IQCM: variants seen among roughly 807,000 people sequenced by gnomAD.
IQCM encodes IQ domain-containing protein M.
Under a neutral mutation model 57.6 loss-of-function variants are expected in IQCM, and 45 were observed. That is an observed-to-expected ratio of 0.78 (90% CI 0.62 to 1.00). The LOEUF (loss-of-function observed/expected upper bound fraction) is 1.00, where lower values mean the gene tolerates loss of function less well. IQCM is among the 50% of genes least tolerant of loss of function. The pLI, the probability that IQCM is intolerant of heterozygous loss-of-function variation, is 0.00. For synonymous variants in IQCM, 148 were observed against 158.9 expected (o/e 0.93, Z 0.51); for missense variants, 468 against 511.6 (o/e 0.91, Z 0.82).
intron 13 of IQCM, among the ~76,000 whole-genome samples, chr4:149,426,475 C>T (rs531759854): frequency 2.0e-5 from 3 of 151,862 alleles, no homozygotes; most frequent in African/African-American, 4.8e-5. Context: ...CATAAAACAA[C>T]AAAAATTTAT....
rs1239481168 is a variant in IQCM, at chr4:149,665,309, C to A, written c.565+16809G>T. 3.3e-5 allele frequency among the ~76,000 whole-genome samples: 5 copies of A among 152,266 alleles called. No individual in the cohort carries two copies. In the East Asian group the frequency reaches 9.7e-4, roughly 30 times the overall value. On this transcript the variant is annotated intron_variant, in intron 7 of 13. Transcript: ENST00000636793. ...GGTCCTGTGAGGACTGAAGGACCCT[C>A]CTGTAGTAAACTACTGGCATCTAAG... is the stretch of plus-strand genomic sequence containing the variant.
Position 149,594,609 on chromosome 4 carries a change from C to G in IQCM, c.682-6612G>C, listed in dbSNP as rs1442814438. On this transcript the variant is annotated intron_variant, in intron 8 of 13. Coordinates refer to ENST00000636793, the MANE Select transcript of IQCM (RefSeq NM_001363507.2). ...TGGGCATTTAGTGCTATAAATTTCC[C>G]TCTACAAACTGCTTTAAATGTGTCC... Among the ~76,000 whole-genome samples the G allele has an allele frequency of 4.6e-5, 7 of 152,226 alleles. No individual in the cohort carries two copies. The East Asian group carries it at 1.4e-3, about 29-fold the overall frequency.
chr4:149,504,147 G>A (rs1182211537), intron 12 of IQCM, among the ~76,000 whole-genome samples: 1 of 151,990 alleles, frequency 6.6e-6, no homozygotes, highest in East Asian at 1.9e-4. Context: ...CCCCAAGATG[G>A]CCAGAGTGAA....
At chr4:149,491,185 A>T (rs916865650) in intron 12 of IQCM, among the ~76,000 whole-genome samples, 1 of 152,042 alleles carries the variant, frequency 6.6e-6, no homozygotes, top group Non-Finnish European at 1.5e-5. Flanking sequence ...TGACAAAAAA[A>T]TTGTACATAT....
intron 8 of IQCM, among the ~76,000 whole-genome samples, chr4:149,606,982 G>T (rs2150044751): frequency 6.6e-6 from 1 of 152,200 alleles, no homozygotes; most frequent in African/African-American, 2.4e-5. Flanking sequence ...AGAGATCAGA[G>T]TAGAAAGTTT....
intron 12 of IQCM, among the ~76,000 whole-genome samples, chr4:149,494,395 T>C (rs1160988108): frequency 6.6e-6 from 1 of 152,138 alleles, no homozygotes; most frequent in Non-Finnish European, 1.5e-5. Flanking sequence ...CTCTGATCTT[T>C]TGTTGCCTTC....
chr4:149,624,493 A>G (rs1756627362), intron 7 of IQCM, among the ~76,000 whole-genome samples: 1 of 152,174 alleles, frequency 6.6e-6, no homozygotes, highest in African/African-American at 2.4e-5. Context: ...AAACCTAATA[A>G]GTAGTTGTTA....
intron 12 of IQCM, among the ~76,000 whole-genome samples, chr4:149,547,083 T>C (rs1748519006): frequency 1.3e-5 from 2 of 152,194 alleles, no homozygotes; most frequent in South Asian, 4.1e-4. Context: ...AGGGAATCCT[T>C]TCCCCATTTC....
intron 13 of IQCM, among the ~76,000 whole-genome samples, chr4:149,376,374 T>G (rs1055417910): frequency 1.3e-5 from 2 of 152,102 alleles, no homozygotes; most frequent in African/African-American, 4.8e-5. Context: ...TTTTAAATAA[T>G]GGGATTTTAT....
intron 12 of IQCM, among the ~76,000 whole-genome samples, chr4:149,534,405 C>T (rs1747073182): frequency 6.6e-6 from 1 of 152,114 alleles, no homozygotes; most frequent in South Asian, 2.1e-4. Context: ...ACTATTGATG[C>T]ACATGCTATG....
rs1322349538 is a variant in IQCM at position 149,597,165 on chromosome 4, A to G, written c.682-9168T>C. Among the ~76,000 whole-genome samples, 10 of 152,268 alleles carry G rather than the reference A, an allele frequency of 6.6e-5. No individual in the cohort carries two copies. The South Asian group carries it at 2.1e-3, about 32-fold the overall frequency. On this transcript the variant is annotated intron_variant, in intron 8 of 13. Transcript: ENST00000636793. ...TATAAAAATAAAACACATAATATTTAAAATTGGAAATTCAGTGAATAACAA... is the reference window on the plus strand; with the variant it reads ...TATAAAAATAAAACACATAATATTTGAAATTGGAAATTCAGTGAATAACAA...
intron 12 of IQCM, among the ~76,000 whole-genome samples, chr4:149,543,269 A>G (rs1381780042): frequency 6.6e-6 from 1 of 152,140 alleles, no homozygotes; most frequent in Admixed American, 6.6e-5. Context: ...AAACTTATTT[A>G]TAGCTTTGAA....
At chr4:149,784,082 T>C (rs1032041258) in intron 2 of IQCM, among the ~76,000 whole-genome samples, 1 of 152,188 alleles carries the variant, frequency 6.6e-6, no homozygotes, top group East Asian at 1.9e-4. Flanking sequence ...ATAATGTATG[T>C]GTTGTTTTAA....
intron 12 of IQCM, chr4:149,514,607 A>G (rs1400061859): frequency 6.6e-6 from 1 of 152,272 alleles, no homozygotes; most frequent in Non-Finnish European, 1.5e-5. Context: ...TAGGCTGGGC[A>G]TAGCTGGGCA....
intron 12 of IQCM, among the ~76,000 whole-genome samples, chr4:149,493,105 G>A (rs1194411252): frequency 2.0e-5 from 3 of 152,044 alleles, no homozygotes; most frequent in Non-Finnish European, 2.9e-5. Flanking sequence ...TGGTTAACCA[G>A]GATCACCCAT....
intron 13 of IQCM, among the ~76,000 whole-genome samples, chr4:149,395,176 ATTTGT>A (rs1732137558): frequency 1.3e-5 from 2 of 152,156 alleles, no homozygotes; most frequent in African/African-American, 4.8e-5. Context: ...TATAGCTAAC[ATTTGT>A]TTTGATCACA....
chr4:149,682,102 T>C lies in IQCM; in HGVS notation c.565+16A>G. On this transcript the variant is annotated intron_variant, in intron 7 of 13. Transcript: ENST00000636793. Reference sequence around the variant, plus strand: ...AAATCAATGTGCTGCTACCAACATTTATGTATAAGACTCACCAGGTTCTTT... The same window carrying C: ...AAATCAATGTGCTGCTACCAACATTCATGTATAAGACTCACCAGGTTCTTT... The C allele has an allele frequency of 9.4e-7, 1 of 1,067,282 alleles. No individual in the cohort carries two copies. The highest frequency in any genetic ancestry group is 4.8e-5 in the South Asian group (1 of 21,006). The allele number at this position is 1,067,282 out of a possible 1,614,324, so 66.1% of individuals were successfully genotyped here. A position where few individuals can be genotyped will look rare whatever the true frequency, so the allele number is the denominator to read the frequency against.
chr4:149,516,095 C>G (rs1053474359), intron 12 of IQCM, among the ~76,000 whole-genome samples: 3 of 152,182 alleles, frequency 2.0e-5, no homozygotes, highest in African/African-American at 7.2e-5. Context: ...CTCACCAAGG[C>G]TGACCTGCCT....
intron 12 of IQCM, among the ~76,000 whole-genome samples, chr4:149,451,418 C>A (rs1172858894): frequency 4.0e-5 from 6 of 151,668 alleles, no homozygotes; most frequent in Admixed American, 1.3e-4. Context: ...TTATGCATTG[C>A]ATGTCTGTAT....
Sources: allele counts gnomAD v4.1 joint callset (sites outside exome capture counted in the v4.1 genomes callset), GRCh38; gene constraint gnomAD v4.1.1; transcripts MANE v1.5; gene names NCBI Gene and HGNC (gene_info 2026-07-23, HGNC 2026-07-21).